MIS18BP1: variants seen among roughly 807,000 people sequenced by gnomAD.
The protein encoded by MIS18BP1 is mis18-binding protein 1.
A neutral mutation model predicts 116.1 loss-of-function variants in MIS18BP1; 72 were observed. The ratio of observed to expected loss-of-function variants is 0.62; its 90% CI spans 0.51 to 0.75. The LOEUF is 0.75. MIS18BP1 is among the 30% of genes least tolerant of loss of function. MIS18BP1 has a pLI of 0.00. For synonymous variants in MIS18BP1, 386 were observed against 427.0 expected (o/e 0.90, Z 1.18); for missense variants, 1,363 against 1,303.2 (o/e 1.05, Z -0.71).
At chr14:45,207,508 A>C (rs369018943) in intron 14 of MIS18BP1, among the ~76,000 whole-genome samples, 1 of 152,138 alleles carries the variant, frequency 6.6e-6, no homozygotes, top group Non-Finnish European at 1.5e-5. Flanking sequence ...AAAATTAGCC[A>C]GGCACGGTGG....
chr14:45,231,164 T>A lies in MIS18BP1; in HGVS notation c.1571A>T (p.Tyr524Phe). ...TDTAQRATTT[Y>F]DFDCDNLELK... ...ACCCAAATTATCACAATCAAAATCG[T>A]AAGTGGTGGTGGCTCTTTGAGCAGT... Residue 524 changes from tyrosine to phenylalanine, a missense_variant, in exon 8 of 17, where the codon TAC (tyrosine) becomes TTC (phenylalanine). By Grantham distance (22) the Tyr-to-Phe change is conservative. Coordinates refer to ENST00000310806, the MANE Select transcript of MIS18BP1 (RefSeq NM_018353.5). 1 of 1,610,826 alleles carries A rather than the reference T, an allele frequency of 6.2e-7. No individual in the cohort carries two copies. The highest frequency in any genetic ancestry group is 8.5e-7 in the Non-Finnish European group (1 of 1,179,172).
rs753106935 is a variant in MIS18BP1 at position 45,227,659 on chromosome 14, T to C, written c.1746+4A>G. 3.1e-6 allele frequency: 5 copies of C among 1,611,058 alleles called. No individual in the cohort carries two copies. The highest frequency in any genetic ancestry group is 1.1e-5 in the South Asian group (1 of 90,984). On this transcript the variant is annotated splice_donor_region_variant and intron_variant, in intron 9 of 16. Transcript: ENST00000310806. ...GAACTATACAGTGTACAATAAAGCC[T>C]TACCTGATTAGATAAGTCATCTCCT...
At chr14:45,215,459 C>G (rs1437720758) in intron 13 of MIS18BP1, among the ~76,000 whole-genome samples, 1 of 152,174 alleles carries the variant, frequency 6.6e-6, no homozygotes, top group African/African-American at 2.4e-5. Context: ...GAGATGGAGT[C>G]TTGCTGTCGC....
chr14:45,208,203 C>G (rs1241510206), intron 14 of MIS18BP1, among the ~76,000 whole-genome samples: 1 of 151,942 alleles, frequency 6.6e-6, no homozygotes, highest in Non-Finnish European at 1.5e-5. Flanking sequence ...TTATAACTTT[C>G]CTTATTTTTG....
intron 9 of MIS18BP1, among the ~76,000 whole-genome samples, 181 bp from the exon 10 acceptor site, chr14:45,227,017 G>T (rs1891140851): frequency 6.6e-6 from 1 of 152,040 alleles, no homozygotes; most frequent in Non-Finnish European, 1.5e-5. Context: ...GCAACATCTG[G>T]GAATCCATTA....
intron 6 of MIS18BP1, among the ~76,000 whole-genome samples, chr14:45,234,582 G>A (rs1372145539): frequency 6.6e-6 from 1 of 152,060 alleles, no homozygotes; most frequent in Non-Finnish European, 1.5e-5. Flanking sequence ...TCTGAGAGAG[G>A]GTAAAAAGGA....
chr14:45,243,668 G>C (rs1342325837), intron 2 of MIS18BP1, among the ~76,000 whole-genome samples: 1 of 151,958 alleles, frequency 6.6e-6, no homozygotes, highest in Non-Finnish European at 1.5e-5. Flanking sequence ...TTAAGATAAA[G>C]ATTTCATTAT....
chr14:45,228,030 G>A (rs983866955), intron 8 of MIS18BP1, among the ~76,000 whole-genome samples: 11 of 152,202 alleles, frequency 7.2e-5, no homozygotes, highest in South Asian at 6.2e-4. Context: ...TAAAAGGTTG[G>A]TGCAAGCCTA....
intron 1 of MIS18BP1, among the ~76,000 whole-genome samples, chr14:45,251,302 C>T (rs1428999869): frequency 1.3e-5 from 2 of 151,982 alleles, no homozygotes; most frequent in African/African-American, 4.8e-5. Context: ...AATATATAGC[C>T]TGGGTTTTTA....
At chr14:45,245,812 A>C (rs903163323) in intron 2 of MIS18BP1, among the ~76,000 whole-genome samples, 8 of 152,146 alleles carry the variant, frequency 5.3e-5, no homozygotes, top group African/African-American at 1.7e-4. Flanking sequence ...TGATTCCCCA[A>C]TGTACTTTTC....
chr14:45,220,163 T>C (rs1320738231), intron 11 of MIS18BP1, among the ~76,000 whole-genome samples: 1 of 152,004 alleles, frequency 6.6e-6, no homozygotes, highest in Non-Finnish European at 1.5e-5. Flanking sequence ...CCGGGCATTA[T>C]CATAGCTCAA....
intron 2 of MIS18BP1, among the ~76,000 whole-genome samples, chr14:45,245,891 T>C (rs1034808711): frequency 2.6e-5 from 4 of 152,242 alleles, no homozygotes; most frequent in African/African-American, 9.6e-5. Context: ...CTTAGATTTT[T>C]AATAGAGGTT....
chr14:45,245,987 T>C (rs556133190), intron 2 of MIS18BP1, among the ~76,000 whole-genome samples: 1 of 152,320 alleles, frequency 6.6e-6, no homozygotes, highest in South Asian at 2.1e-4. Flanking sequence ...CCATTTACCA[T>C]CTGCACATTT....
chr14:45,238,123 T>C (rs1233197087), intron 4 of MIS18BP1, among the ~76,000 whole-genome samples: 1 of 151,982 alleles, frequency 6.6e-6, no homozygotes, highest in African/African-American at 2.4e-5. Context: ...GAGTTTTTTT[T>C]TTTTTTTGTA....
In MIS18BP1 at chr14:45,242,690, G is replaced by T; in HGVS notation, c.658+71C>A. ...AGCTAAAGTTTAATGCCCACACAAGGAAAGTAATTACCTAGAACATTTAAC... is the reference window on the plus strand; with the variant it reads ...AGCTAAAGTTTAATGCCCACACAAGTAAAGTAATTACCTAGAACATTTAAC... On this transcript the variant is annotated intron_variant, in intron 3 of 16. Transcript: ENST00000310806. 5 of 1,471,766 alleles carry T rather than the reference G, an allele frequency of 3.4e-6. No homozygotes were observed. In the South Asian group the frequency reaches 5.1e-5, roughly 15 times the overall value. 91.2% of individuals were successfully genotyped at this position (1,471,766 alleles called of 1,614,324 possible).
At position 45,203,273 on chromosome 14, in the gene MIS18BP1, C is replaced by T. The variant is rs1342093424; in HGVS notation, c.*836G>A. 2 of 151,964 alleles carry T rather than the reference C, an allele frequency of 1.3e-5. No individual in the cohort carries two copies. The highest frequency in any genetic ancestry group is 2.4e-5 in the African/African-American group (1 of 41,360). 9.4% of individuals were successfully genotyped at this position (151,964 alleles called of 1,614,324 possible). A position where few individuals can be genotyped will look rare whatever the true frequency, so the allele number is the denominator to read the frequency against. On this transcript the variant is annotated 3_prime_UTR_variant, in exon 17 of 17. Transcript: ENST00000310806. ...AATGTGTAGCCAGAGGGAAAATATC[C>T]TATGTCAAGTTTCAAAACATAACAA...
At chr14:45,249,074 GTT>G (rs61518693) in intron 1 of MIS18BP1, among the ~76,000 whole-genome samples, 1 of 142,484 alleles carries the variant, frequency 7.0e-6, no homozygotes. Context: ...CCTCAGCTAT[GTT>G]TTTTTTTTTT....
intron 6 of MIS18BP1, 51 bp downstream of exon 6, chr14:45,235,763 G>A: frequency 6.7e-7 from 1 of 1,492,632 alleles, no homozygotes; most frequent in East Asian, 2.3e-5. Context: ...GAGAAACATG[G>A]TTAACTGCTT....
At chr14:45,211,344 A>G (rs1407649256) in intron 13 of MIS18BP1, among the ~76,000 whole-genome samples, 3 of 152,208 alleles carry the variant, frequency 2.0e-5, no homozygotes, top group Non-Finnish European at 4.4e-5. Context: ...TGCAAGATTT[A>G]CTACAATTAA....
Sources: allele counts gnomAD v4.1 joint callset (sites outside exome capture counted in the v4.1 genomes callset), GRCh38; gene constraint gnomAD v4.1.1; transcripts MANE v1.5; gene names NCBI Gene and HGNC (gene_info 2026-07-23, HGNC 2026-07-21).